The following RAPGEF6 variants were observed in gnomAD, a reference collection of about 807,000 sequenced individuals.
RAPGEF6 encodes the protein Rap guanine nucleotide exchange factor 6, also known as PDZ domain containing guanine nucleotide exchange factor (GEF) 2.
A neutral mutation model predicts 171.4 loss-of-function variants in RAPGEF6; 56 were observed. That is an observed-to-expected ratio of 0.33 (90% CI 0.26 to 0.41). The LOEUF (loss-of-function observed/expected upper bound fraction) is 0.41. Among genes scored for constraint, RAPGEF6 ranks in the 10% least tolerant of loss-of-function variants. The pLI is 1.00. For synonymous variants in RAPGEF6, 692 were observed against 650.1 expected (o/e 1.06, Z -0.98); for missense variants, 1,674 against 1,921.4 (o/e 0.87, Z 2.41).
chr5:131,619,504 G>C (rs1296858278), intron 1 of RAPGEF6, among the ~76,000 whole-genome samples: 1 of 152,082 alleles, frequency 6.6e-6, no homozygotes, highest in African/African-American at 2.4e-5. Flanking sequence ...TAATTTTTAA[G>C]AATGAAAGTC....
At chr5:131,440,755 A>C (rs978831230) in intron 23 of RAPGEF6, among the ~76,000 whole-genome samples, 1 of 151,328 alleles carries the variant, frequency 6.6e-6, no homozygotes, top group African/African-American at 2.4e-5. Flanking sequence ...AAAAAAAAAA[A>C]AAAAAAGAAA....
chr5:131,535,028 G>A (rs947757231), intron 6 of RAPGEF6, among the ~76,000 whole-genome samples: 5 of 152,122 alleles, frequency 3.3e-5, no homozygotes, highest in African/African-American at 7.2e-5. Context: ...CTGCTGCCCA[G>A]TGTGAGAAAT....
chr5:131,534,033 A>C (rs1268828698), intron 6 of RAPGEF6, among the ~76,000 whole-genome samples: 1 of 152,166 alleles, frequency 6.6e-6, no homozygotes, highest in Non-Finnish European at 1.5e-5. Flanking sequence ...AAAGAAAGAC[A>C]GTTCCCAATA....
chr5:131,518,810 A>G (rs966747733), intron 7 of RAPGEF6, among the ~76,000 whole-genome samples: 3 of 151,828 alleles, frequency 2.0e-5, no homozygotes, highest in Admixed American at 6.6e-5. Flanking sequence ...CTTCATTCCT[A>G]TTTTGGTTCT....
chr5:131,508,144 C>T lies in RAPGEF6; in HGVS notation c.869G>A (p.Arg290Lys), dbSNP rs773274418. ...AAAAATCATCACTGAGCAGAGTTCT[C>T]TCCTTACAGACATGGTCATGTTTGC... ...AFANMTMSVR[R>K]ELCSVMIFEV... Residue 290 changes from arginine (R) to lysine (K), a missense_variant, in exon 9 of 28, where the codon AGA becomes AAA. Coordinates refer to ENST00000509018, the MANE Select transcript of RAPGEF6 (RefSeq NM_016340.6). 2.5e-6 allele frequency: 4 copies of T among 1,613,568 alleles called. No homozygotes were observed. Among genetic ancestry groups the T allele is most frequent in the Admixed American group, 3.3e-5 (2 of 59,938 alleles).
chr5:131,610,913 T>C (rs1764898227), intron 1 of RAPGEF6, among the ~76,000 whole-genome samples: 1 of 152,212 alleles, frequency 6.6e-6, no homozygotes, highest in Non-Finnish European at 1.5e-5. Flanking sequence ...GGGAGTGTAT[T>C]TGAACAAAAT....
intron 4 of RAPGEF6, among the ~76,000 whole-genome samples, chr5:131,588,454 CGGTGGCTCACACTGTAG>C (rs528914457): frequency 2.8e-4 from 42 of 152,194 alleles, no homozygotes; most frequent in African/African-American, 9.4e-4. Flanking sequence ...GGGCCAGGTG[CGGTGGCTCACACTGTAG>C]GGTGGCTCAC....
rs1751827442 is a variant in RAPGEF6 at position 131,433,411 on chromosome 5, C to T, written c.3974+19G>A. 1 of 1,595,748 alleles carries T rather than the reference C, an allele frequency of 6.3e-7. No individual in the cohort carries two copies. Among genetic ancestry groups the T allele is most frequent in the Non-Finnish European group, 8.6e-7 (1 of 1,163,526 alleles). On this transcript the variant is annotated intron_variant, in intron 25 of 27. Coordinates refer to ENST00000509018, the MANE Select transcript of RAPGEF6 (RefSeq NM_016340.6). ...CTTGGCTTGGGTTTTGTGTTATGAA[C>T]ACAGACAATGATGCTTACCCAGGGC...
chr5:131,491,395 G>A (rs534946025), intron 14 of RAPGEF6, among the ~76,000 whole-genome samples: 148 of 152,232 alleles, frequency 9.7e-4, no homozygotes, highest in African/African-American at 3.4e-3. Flanking sequence ...ACATGGCTCC[G>A]TTAAAATAAA....
chr5:131,431,387 A>C, intron 25 of RAPGEF6, 38 bp from the exon 26 acceptor site: 1 of 1,541,154 alleles, frequency 6.5e-7, no homozygotes, highest in Non-Finnish European at 8.7e-7. Context: ...AAGGCTTGCC[A>C]GAAAAACTAT....
At chr5:131,546,819 C>T (rs915417032) in intron 6 of RAPGEF6, among the ~76,000 whole-genome samples, 8 of 152,042 alleles carry the variant, frequency 5.3e-5, no homozygotes, top group Admixed American at 1.3e-4. Context: ...CAATAGTTAG[C>T]AAAAACCTTA....
chr5:131,547,937 T>C (rs976563916), intron 6 of RAPGEF6, 110 bp downstream of exon 6: 1 of 1,230,260 alleles, frequency 8.1e-7, no homozygotes, highest in African/African-American at 1.5e-5. Flanking sequence ...CTGCCCCAAA[T>C]TTTCACATAC....
chr5:131,545,420 A>C (rs1343945125), intron 6 of RAPGEF6, among the ~76,000 whole-genome samples: 1 of 152,134 alleles, frequency 6.6e-6, no homozygotes, highest in African/African-American at 2.4e-5. Flanking sequence ...GAAAAAAAAA[A>C]CAAACTCAAA....
rs188382174 is a variant in RAPGEF6 at position 131,495,280 on chromosome 5, G to A, written c.1527+273C>T. Among the ~76,000 whole-genome samples the A allele has an allele frequency of 3.3e-4, 50 of 149,656 alleles. 1 individual carries two copies. In the East Asian group the frequency reaches 9.6e-3, roughly 29 times the overall value. ...ACTGCACTCCAGCCTGGGCGACAGC[G>A]AGACTCCGTCTCAAAAAAAAAACAA... On this transcript the variant is annotated intron_variant, in intron 13 of 27. Coordinates refer to ENST00000509018, the MANE Select transcript of RAPGEF6 (RefSeq NM_016340.6).
chr5:131,546,635 T>C (rs1433009722), intron 6 of RAPGEF6, among the ~76,000 whole-genome samples: 4 of 151,672 alleles, frequency 2.6e-5, no homozygotes, highest in African/African-American at 9.7e-5. Flanking sequence ...AATGAAGAAC[T>C]GGAAAGAATG....
At chr5:131,438,904 C>A (rs969154519) in intron 24 of RAPGEF6, among the ~76,000 whole-genome samples, 2 of 152,092 alleles carry the variant, frequency 1.3e-5, no homozygotes, top group African/African-American at 4.8e-5. Flanking sequence ...TTTCCTAAAT[C>A]TTATAGTTGG....
chr5:131,539,113 A>C (rs1218320300), intron 6 of RAPGEF6, among the ~76,000 whole-genome samples: 4 of 152,226 alleles, frequency 2.6e-5, no homozygotes, highest in Non-Finnish European at 5.9e-5. Flanking sequence ...GTGGGGATCC[A>C]AACTTCTCAG....
At chr5:131,539,149 C>T (rs772056659) in intron 6 of RAPGEF6, among the ~76,000 whole-genome samples, 11 of 152,126 alleles carry the variant, frequency 7.2e-5, no homozygotes, top group Non-Finnish European at 1.5e-4. Context: ...CATTCACTGT[C>T]TTATATACAA....
chr5:131,559,874 CAAG>C (rs984368174), intron 5 of RAPGEF6, among the ~76,000 whole-genome samples: 5 of 146,542 alleles, frequency 3.4e-5, no homozygotes, highest in African/African-American at 7.5e-5. Context: ...AAAGTTAAAA[CAAG>C]GAGATTACTT....
Sources: gnomAD v4.1 joint callset for allele counts (sites outside exome capture counted in the v4.1 genomes callset) on GRCh38, gnomAD v4.1.1 for gene constraint, MANE v1.5 for transcripts, NCBI Gene and HGNC (gene_info 2026-07-23, HGNC 2026-07-21) for gene names.